UBE3C: variants seen among roughly 807,000 people sequenced by gnomAD.
UBE3C encodes the protein ubiquitin-protein ligase E3C.
In UBE3C, 42 loss-of-function variants were observed where a neutral mutation model predicts 129.4. The ratio of observed to expected loss-of-function variants is 0.32; its 90% CI spans 0.25 to 0.42. The LOEUF (loss-of-function observed/expected upper bound fraction) is 0.42. Ranked by LOEUF, UBE3C falls within the 10% of genes least tolerant of loss-of-function variation. The pLI is 1.00. For missense variants in UBE3C, 1,049 were observed against 1,319.1 expected (o/e 0.80, Z 3.17); for synonymous variants, 510 against 492.4 (o/e 1.04, Z -0.47).
At chr7:157,196,917 G>A (rs975041013) in intron 10 of UBE3C, among the ~76,000 whole-genome samples, 6 of 152,076 alleles carry the variant, frequency 3.9e-5, no homozygotes, top group East Asian at 1.9e-4. Context: ...TGTGGTGAGC[G>A]GAGATAGCGC....
At chr7:157,177,488 T>C (rs1377252013) in intron 5 of UBE3C, among the ~76,000 whole-genome samples, 2 of 152,238 alleles carry the variant, frequency 1.3e-5, no homozygotes, top group African/African-American at 4.8e-5. Flanking sequence ...CACATGGGAT[T>C]ATCAGCACAC....
intron 2 of UBE3C, 116 bp from the exon 3 acceptor site, chr7:157,168,932 A>G: frequency 2.7e-6 from 2 of 746,076 alleles, no homozygotes; most frequent in Non-Finnish European, 2.3e-6. Flanking sequence ...TTAAAGAATG[A>G]ATTTTATGGT....
chr7:157,201,323 CA>C (rs1323648500), intron 10 of UBE3C, among the ~76,000 whole-genome samples: 1 of 150,222 alleles, frequency 6.7e-6, no homozygotes, highest in East Asian at 1.9e-4. Flanking sequence ...GACCCTGTCT[CA>C]AAAAAAATAA....
chr7:157,139,778 C>T (rs779862004), intron 1 of UBE3C, among the ~76,000 whole-genome samples: 2 of 152,224 alleles, frequency 1.3e-5, no homozygotes, highest in Non-Finnish European at 2.9e-5. Flanking sequence ...CATGCTCGCT[C>T]CCGCATGGCA....
chr7:157,192,658 A>C, intron 10 of UBE3C: 1 of 767,628 alleles, frequency 1.3e-6, no homozygotes, highest in Non-Finnish European at 2.4e-6. Flanking sequence ...AAGAAGGGGA[A>C]GCTGGCTGTC....
At chr7:157,258,009 G>T (rs1351567421) in intron 22 of UBE3C, among the ~76,000 whole-genome samples, 3 of 146,778 alleles carry the variant, frequency 2.0e-5, no homozygotes, top group African/African-American at 7.6e-5. Flanking sequence ...GTGCAGTGGT[G>T]TGATCACGGC....
chr7:157,140,203 A>G (rs1253189811), intron 1 of UBE3C, among the ~76,000 whole-genome samples: 1 of 119,546 alleles, frequency 8.4e-6, no homozygotes, highest in Non-Finnish European at 1.7e-5. Flanking sequence ...AATGTTCTTT[A>G]AAATGCTTCA....
At chr7:157,160,468 G>A (rs557606539) in intron 1 of UBE3C, among the ~76,000 whole-genome samples, 1 of 152,262 alleles carries the variant, frequency 6.6e-6, no homozygotes, top group South Asian at 2.1e-4. Flanking sequence ...TTTCTGTTTA[G>A]TGATGAAAGA....
chr7:157,210,406 G>A (rs1809558542), intron 13 of UBE3C, among the ~76,000 whole-genome samples: 1 of 152,074 alleles, frequency 6.6e-6, no homozygotes, highest in Non-Finnish European at 1.5e-5. Context: ...GTAATCAGCT[G>A]CTGTTAGCTG....
At chr7:157,210,060 C>T (rs1290149598) in intron 13 of UBE3C, among the ~76,000 whole-genome samples, 3 of 152,070 alleles carry the variant, frequency 2.0e-5, no homozygotes, top group South Asian at 4.2e-4. Context: ...GCCTGTAATC[C>T]CAGCTACTAG....
At chr7:157,158,518 C>G (rs1459520008) in intron 1 of UBE3C, among the ~76,000 whole-genome samples, 1 of 152,076 alleles carries the variant, frequency 6.6e-6, no homozygotes, top group Non-Finnish European at 1.5e-5. Flanking sequence ...AAGCTGCTGC[C>G]AAAGCTGTGA....
At chr7:157,153,758 C>A (rs1807823841) in intron 1 of UBE3C, among the ~76,000 whole-genome samples, 1 of 152,122 alleles carries the variant, frequency 6.6e-6, no homozygotes, top group South Asian at 2.1e-4. Flanking sequence ...AGGCAGATGC[C>A]TTGAGCCCAG....
chr7:157,265,964 A>G (rs1797066452), intron 22 of UBE3C, among the ~76,000 whole-genome samples: 1 of 152,172 alleles, frequency 6.6e-6, no homozygotes, highest in South Asian at 2.1e-4. Context: ...ACTTTTCATC[A>G]TGCATTTGGT....
At chr7:157,224,587 AT>A (rs2116622008) in intron 16 of UBE3C, among the ~76,000 whole-genome samples, 2 of 152,264 alleles carry the variant, frequency 1.3e-5, no homozygotes, top group East Asian at 3.9e-4. Context: ...ATGTTTCCAA[AT>A]TTTAAAATGT....
chr7:157,139,769 A>T (rs1273575777), intron 1 of UBE3C, among the ~76,000 whole-genome samples: 1 of 152,192 alleles, frequency 6.6e-6, no homozygotes, highest in Admixed American at 6.5e-5. Context: ...TGCGCTTTCC[A>T]TGCTCGCTCC....
intron 10 of UBE3C, among the ~76,000 whole-genome samples, chr7:157,196,979 A>C (rs1809138693): frequency 6.6e-6 from 1 of 152,184 alleles, no homozygotes; most frequent in African/African-American, 2.4e-5. Context: ...CAAAAAAAAG[A>C]ATTGCTGAAC....
intron 1 of UBE3C, among the ~76,000 whole-genome samples, chr7:157,163,221 T>TA (rs899735256): frequency 6.0e-5 from 9 of 150,984 alleles, no homozygotes; most frequent in Non-Finnish European, 7.4e-5. Flanking sequence ...CCGTCTCTAC[T>TA]AAAAAAATAC....
At chr7:157,174,576 TCG>T (rs755269737) in intron 4 of UBE3C, among the ~76,000 whole-genome samples, 2 of 152,072 alleles carry the variant, frequency 1.3e-5, no homozygotes, top group Non-Finnish European at 2.9e-5. Context: ...TCTCAGCCTC[TCG>T]AATAGCTGGG....
intron 21 of UBE3C, chr7:157,256,704 C>T (rs1796761538): frequency 1.9e-6 from 1 of 529,168 alleles, no homozygotes; most frequent in East Asian, 3.2e-5. Context: ...TTTACACAGC[C>T]TCGGCATGAG....
Sources: gnomAD v4.1 joint callset for allele counts (sites outside exome capture counted in the v4.1 genomes callset) on GRCh38, gnomAD v4.1.1 for gene constraint, MANE v1.5 for transcripts, NCBI Gene and HGNC (gene_info 2026-07-23, HGNC 2026-07-21) for gene names.